The following GSG1L variants were observed in gnomAD, a reference collection of about 807,000 sequenced individuals.
GSG1L encodes the protein germ cell-specific gene 1-like protein.
A neutral mutation model predicts 42.1 loss-of-function variants in GSG1L; 24 were observed. That is an observed-to-expected ratio of 0.57 (90% CI 0.41 to 0.80). The LOEUF (loss-of-function observed/expected upper bound fraction) is 0.80, where lower values mean the gene tolerates loss of function less well. Among genes scored for constraint, GSG1L ranks in the 30% least tolerant of loss-of-function variants. The pLI is 0.00. For synonymous variants in GSG1L, 215 were observed against 203.5 expected (o/e 1.06, Z -0.48); for missense variants, 445 against 472.2 (o/e 0.94, Z 0.53).
chr16:27,925,965 G>T (rs1335499852), intron 2 of GSG1L, among the ~76,000 whole-genome samples: 2 of 152,216 alleles, frequency 1.3e-5, no homozygotes, highest in Non-Finnish European at 2.9e-5. Context: ...GAGGAAAAGG[G>T]GGAAAAAATT....
chr16:27,917,375 G>A lies in GSG1L; in HGVS notation c.398-32737C>T, dbSNP rs182053391. On this transcript the variant is annotated intron_variant, in intron 2 of 6. Transcript: ENST00000447459. ...GTGCTGTGTGCTGAGAGAGAGGGGC[G>A]GGGGGAGAAGCTGGCATAGCTCCAA... 1.2e-3 allele frequency among the ~76,000 whole-genome samples: 179 copies of A among 152,068 alleles called. 1 individual carries two copies. The highest frequency in any genetic ancestry group is 5.0e-3 in the South Asian group (24 of 4,808).
At chr16:27,840,758 A>G (rs1183237661) in intron 4 of GSG1L, among the ~76,000 whole-genome samples, 1 of 152,118 alleles carries the variant, frequency 6.6e-6, no homozygotes, top group Non-Finnish European at 1.5e-5. Flanking sequence ...TGTGGTTTCC[A>G]CCTGGGTCTC....
chr16:27,845,180 G>A (rs2083429468), intron 3 of GSG1L, 119 bp from the exon 4 acceptor site: 8 of 644,994 alleles, frequency 1.2e-5, no homozygotes, highest in Non-Finnish European at 1.9e-5. Context: ...GGAGAACAGG[G>A]ACCTCTGGGT....
intron 1 of GSG1L, among the ~76,000 whole-genome samples, chr16:28,039,908 T>G (rs936882447): frequency 1.3e-5 from 2 of 152,194 alleles, no homozygotes; most frequent in Non-Finnish European, 2.9e-5. Flanking sequence ...TACCTTCATA[T>G]GTCCAAAAAC....
intron 2 of GSG1L, among the ~76,000 whole-genome samples, chr16:27,931,044 G>C (rs1329530360): frequency 3.9e-5 from 6 of 152,138 alleles, no homozygotes; most frequent in Non-Finnish European, 8.8e-5. Context: ...GAGCCACCGT[G>C]CCTGGCCAGC....
chr16:27,901,945 C>T (rs749515321), intron 2 of GSG1L, among the ~76,000 whole-genome samples: 36 of 152,238 alleles, frequency 2.4e-4, no homozygotes, highest in Non-Finnish European at 7.3e-5. Context: ...CTTCCCCCAG[C>T]GTCACTTGGC....
intron 3 of GSG1L, among the ~76,000 whole-genome samples, chr16:27,865,075 A>C (rs1037817592): frequency 6.6e-6 from 1 of 152,116 alleles, no homozygotes; most frequent in East Asian, 1.9e-4. Context: ...CTGGTGCCTG[A>C]GACCAAGATG....
chr16:28,021,204 C>T (rs115081684), intron 1 of GSG1L, among the ~76,000 whole-genome samples: 1 of 151,968 alleles, frequency 6.6e-6, no homozygotes, highest in African/African-American at 2.4e-5. Context: ...TCTGGGGAGG[C>T]CTCAGAAAAC....
chr16:27,977,789 C>T (rs2085268162), intron 1 of GSG1L, among the ~76,000 whole-genome samples: 1 of 152,146 alleles, frequency 6.6e-6, no homozygotes, highest in African/African-American at 2.4e-5. Context: ...CCACTGTCCC[C>T]ACCACCATGA....
chr16:27,865,747 G>A (rs929450354), intron 3 of GSG1L, among the ~76,000 whole-genome samples: 3 of 151,126 alleles, frequency 2.0e-5, no homozygotes, highest in African/African-American at 7.3e-5. Flanking sequence ...CTGTCACCCA[G>A]CCTGGAGTGC....
intron 1 of GSG1L, among the ~76,000 whole-genome samples, chr16:27,986,505 C>CA (rs59177321): frequency 2.9e-5 from 4 of 137,926 alleles, no homozygotes; most frequent in Admixed American, 7.2e-5. Flanking sequence ...GACTCCGCCT[C>CA]AAAAAAAAAA....
chr16:28,003,988 C>A (rs564532595), intron 1 of GSG1L, among the ~76,000 whole-genome samples: 1 of 152,234 alleles, frequency 6.6e-6, no homozygotes, highest in East Asian at 1.9e-4. Context: ...CAGGATGACA[C>A]GGGCGGCACA....
At chr16:27,928,265 T>C (rs553310124) in intron 2 of GSG1L, among the ~76,000 whole-genome samples, 5 of 152,218 alleles carry the variant, frequency 3.3e-5, no homozygotes, top group Admixed American at 6.5e-5. Flanking sequence ...GGTTGAAAGG[T>C]AGTGAGTCCC....
intron 1 of GSG1L, among the ~76,000 whole-genome samples, chr16:28,055,478 A>ATT (rs111334553): frequency 3.4e-5 from 5 of 145,416 alleles, no homozygotes; most frequent in Admixed American, 6.9e-5. Flanking sequence ...ATTTTTTTTA[A>ATT]TTTTTTTTTT....
intron 1 of GSG1L, among the ~76,000 whole-genome samples, chr16:28,002,321 T>C (rs991056819): frequency 1.3e-5 from 2 of 152,170 alleles, no homozygotes; most frequent in Non-Finnish European, 2.9e-5. Flanking sequence ...AAGCTGGCCA[T>C]GTAAAGATCC....
At chr16:27,909,011 T>C (rs2084350488) in intron 2 of GSG1L, among the ~76,000 whole-genome samples, 1 of 152,126 alleles carries the variant, frequency 6.6e-6, no homozygotes, top group South Asian at 2.1e-4. Flanking sequence ...CCCTGGTGCC[T>C]ACACTTACCA....
chr16:27,871,665 T>C (rs1444543692), intron 3 of GSG1L, among the ~76,000 whole-genome samples: 2 of 151,692 alleles, frequency 1.3e-5, no homozygotes, highest in East Asian at 1.9e-4. Flanking sequence ...GAAAAGAAAA[T>C]GTGGTCAATC....
intron 1 of GSG1L, among the ~76,000 whole-genome samples, chr16:28,008,224 T>C (rs953519930): frequency 1.8e-4 from 27 of 152,084 alleles, no homozygotes; most frequent in Admixed American, 1.6e-3. Context: ...GGACTACAGG[T>C]GTGCACCACC....
At chr16:27,970,383 C>T (rs2085181608) in intron 1 of GSG1L, among the ~76,000 whole-genome samples, 1 of 151,782 alleles carries the variant, frequency 6.6e-6, no homozygotes. Flanking sequence ...ACAAGCCTGG[C>T]CAACATGGTG....
Sources: allele counts gnomAD v4.1 joint callset (sites outside exome capture counted in the v4.1 genomes callset), GRCh38; gene constraint gnomAD v4.1.1; transcripts MANE v1.5; gene names NCBI Gene and HGNC (gene_info 2026-07-23, HGNC 2026-07-21).